The following SORBS2 variants were observed in gnomAD, a reference collection of about 807,000 sequenced individuals.
The protein encoded by SORBS2 is sorbin and SH3 domain containing 2.
Under a neutral mutation model 97.7 loss-of-function variants are expected in SORBS2, and 46 were observed. The observed-to-expected ratio is 0.47, with a 90% CI of 0.37 to 0.60. The LOEUF (loss-of-function observed/expected upper bound fraction) is 0.60, where lower values mean the gene tolerates loss of function less well. SORBS2 is among the 20% of genes least tolerant of loss of function. SORBS2 has a pLI of 0.00. For missense variants in SORBS2, 1,316 were observed against 1,282.3 expected (o/e 1.03, Z -0.40); for synonymous variants, 476 against 473.4 (o/e 1.01, Z -0.07).
intron 2 of SORBS2, among the ~76,000 whole-genome samples, chr4:185,763,370 GC>G (rs1291790628): frequency 2.6e-5 from 4 of 152,128 alleles, no homozygotes; most frequent in Non-Finnish European, 5.9e-5. Context: ...TGTACCACCT[GC>G]TATACTGGCC....
At position 185,652,591 on chromosome 4, in the gene SORBS2, C is replaced by T. The variant is rs1033889056; in HGVS notation, c.91+71G>A. ...GTCTTGACATTGTGTGTGAATCAAACCGATGCAAAAGACGAATGTAGTCCC... is the reference window on the plus strand; with the variant it reads ...GTCTTGACATTGTGTGTGAATCAAATCGATGCAAAAGACGAATGTAGTCCC... On this transcript the variant is annotated intron_variant, in intron 2 of 14. Coordinates refer to ENST00000418609, the Ensembl canonical transcript of SORBS2. 1.5e-5 allele frequency: 18 copies of T among 1,194,642 alleles called. No individual in the cohort carries two copies. In the African/African-American group the frequency reaches 2.1e-4, roughly 14 times the overall value. 74.0% of individuals were successfully genotyped at this position (1,194,642 alleles called of 1,614,324 possible).
intron 4 of SORBS2, among the ~76,000 whole-genome samples, chr4:185,667,660 T>C (rs2097638066): frequency 6.9e-6 from 1 of 144,656 alleles, no homozygotes. Context: ...ATTTTTTTTC[T>C]TGTTTAAACA....
intron 1 of SORBS2, among the ~76,000 whole-genome samples, chr4:185,827,982 T>C (rs62335733): frequency 3.1e-5 from 1 of 32,550 alleles, no homozygotes; most frequent in South Asian, 6.1e-4. Flanking sequence ...CTCATCACCA[T>C]CATCATCATC....
intron 4 of SORBS2, among the ~76,000 whole-genome samples, chr4:185,643,976 T>A (rs2097170037): frequency 6.6e-6 from 1 of 152,130 alleles, no homozygotes; most frequent in Non-Finnish European, 1.5e-5. Flanking sequence ...ACGCGGCCAG[T>A]CTCTACATCA....
At chr4:185,944,284 G>C (rs923453676) in intron 1 of SORBS2, among the ~76,000 whole-genome samples, 2 of 152,184 alleles carry the variant, frequency 1.3e-5, no homozygotes, top group African/African-American at 4.8e-5. Flanking sequence ...CCCACTTAAA[G>C]CCACTGTGTG....
At chr4:185,903,424 T>C in intron 1 of SORBS2, among the ~76,000 whole-genome samples, 1 of 152,198 alleles carries the variant, frequency 6.6e-6, no homozygotes, top group Non-Finnish European at 1.5e-5. Context: ...TGGCTTGACA[T>C]GTGGATACAT....
At chr4:185,651,524 C>T (rs1358566646) in intron 2 of SORBS2, among the ~76,000 whole-genome samples, 2 of 152,216 alleles carry the variant, frequency 1.3e-5, no homozygotes, top group Non-Finnish European at 2.9e-5. Flanking sequence ...GCCTATCCTT[C>T]ACACTTTGGT....
intron 2 of SORBS2, among the ~76,000 whole-genome samples, chr4:185,731,860 CTCTCTCTATATA>C (rs1271990704): frequency 2.9e-3 from 99 of 34,230 alleles, no homozygotes; most frequent in African/African-American, 4.2e-3. Context: ...CTCTCTCTCT[CTCTCTCTATATA>C]TATATATATA....
Position 185,623,333 on chromosome 4 carries a change from G to T in SORBS2, c.1796C>A (p.Ser599Tyr), listed in dbSNP as rs1012444074. 1.9e-6 allele frequency: 3 copies of T among 1,614,026 alleles called. No individual in the cohort carries two copies. The highest frequency in any genetic ancestry group is 3.3e-5 in the Admixed American group (2 of 60,028). ...AGGACTGACTAGAAAAGCAAGTTTA[G>T]AAAGGCCAGGGTCCATTTCTTGCCT... The change falls in exon 7 of 15, where the codon TCT becomes TAT. Residue 599 changes from serine to tyrosine, a missense_variant. Ser to Tyr is a moderately radical substitution (Grantham distance 144, BLOSUM62 -2). Transcript: ENST00000418609. The surrounding 1 kb of genome is among the most constrained non-coding windows in gnomAD (Gnocchi z 6.4).
At chr4:185,893,311 A>T (rs1407466309) in intron 1 of SORBS2, among the ~76,000 whole-genome samples, 3 of 152,206 alleles carry the variant, frequency 2.0e-5, no homozygotes, top group Admixed American at 6.5e-5. Context: ...AGCCTGGGGT[A>T]GGCGGGATGC....
intron 6 of SORBS2, among the ~76,000 whole-genome samples, chr4:185,625,580 C>T (rs1041520362): frequency 2.0e-5 from 3 of 152,176 alleles, no homozygotes; most frequent in Non-Finnish European, 4.4e-5. Flanking sequence ...TTATCAGAAC[C>T]CTTTTAACTT....
chr4:185,601,692 G>GAA (rs138994840), intron 12 of SORBS2, among the ~76,000 whole-genome samples: 4 of 151,852 alleles, frequency 2.6e-5, no homozygotes, highest in Non-Finnish European at 5.9e-5. Flanking sequence ...AGCTCTTAGA[G>GAA]AAAAAAAATA....
chr4:185,697,526 C>G (rs1164677072), intron 2 of SORBS2, among the ~76,000 whole-genome samples: 2 of 152,204 alleles, frequency 1.3e-5, no homozygotes, highest in African/African-American at 4.8e-5. Context: ...GAATCAAACC[C>G]TTGCCTTCTA....
chr4:185,818,512 T>G (rs1436089646), intron 1 of SORBS2, among the ~76,000 whole-genome samples: 1 of 152,126 alleles, frequency 6.6e-6, no homozygotes, highest in African/African-American at 2.4e-5. Flanking sequence ...AAAGTCAGAC[T>G]CTGGCATCCT....
intron 1 of SORBS2, among the ~76,000 whole-genome samples, chr4:185,930,127 T>C (rs1307699553): frequency 6.6e-6 from 1 of 152,174 alleles, no homozygotes; most frequent in Admixed American, 6.5e-5. Context: ...GCTAACAACA[T>C]ATGAAACTGA....
At chr4:185,716,413 G>A (rs2098465626) in intron 2 of SORBS2, among the ~76,000 whole-genome samples, 1 of 152,238 alleles carries the variant, frequency 6.6e-6, no homozygotes, top group Non-Finnish European at 1.5e-5. Flanking sequence ...TATACACGAA[G>A]CACTTAGAAG....
chr4:185,921,331 T>C (rs11731751), intron 1 of SORBS2, among the ~76,000 whole-genome samples: 27,559 of 152,234 alleles, frequency 0.18, 3,335 homozygotes, highest in Non-Finnish European at 0.26. Flanking sequence ...GGCTGTTTTT[T>C]ATAACGTGAC....
At chr4:185,593,602 A>C (rs2096010241) in intron 13 of SORBS2, 1 of 385,174 alleles carries the variant, frequency 2.6e-6, no homozygotes, top group East Asian at 5.1e-5. Context: ...CCAGCAGAGC[A>C]GAGAGGGAGA....
intron 3 of SORBS2, 150 bp from the exon 13 acceptor site, chr4:185,646,932 T>G: frequency 2.1e-5 from 12 of 584,042 alleles, no homozygotes; most frequent in Non-Finnish European, 2.4e-5. Context: ...AAATACCACA[T>G]TCCCCCGCCA....
Sources: gnomAD v4.1 joint callset for allele counts (sites outside exome capture counted in the v4.1 genomes callset) on GRCh38, gnomAD v4.1.1 for gene constraint, Gnocchi (gnomAD v3.1) non-coding constraint, MANE v1.5 for transcripts, NCBI Gene and HGNC (gene_info 2026-07-23, HGNC 2026-07-21) for gene names.